The following RAB3C variants were observed in gnomAD, a reference collection of about 807,000 sequenced individuals.
RAB3C encodes RAB3C, member RAS oncogene family, also known as ras-related protein Rab-3C.
A neutral mutation model predicts 26.4 loss-of-function variants in RAB3C; 17 were observed. The ratio of observed to expected loss-of-function variants is 0.64; its 90% confidence interval spans 0.44 to 0.97. The LOEUF (loss-of-function observed/expected upper bound fraction) is 0.97. RAB3C is among the 50% of genes least tolerant of loss of function. The pLI is 0.00. For synonymous variants in RAB3C, 91 were observed against 95.9 expected, an observed-to-expected ratio of 0.95 and a Z score of 0.30; for missense variants, 242 against 281.9, an observed-to-expected ratio of 0.86 and a Z score of 1.01.
intron 2 of RAB3C, among the ~76,000 whole-genome samples, chr5:58,640,811 C>A (rs1020010915): frequency 1.3e-5 from 2 of 152,146 alleles, no homozygotes; most frequent in Non-Finnish European, 2.9e-5. Flanking sequence ...GACATCAATT[C>A]TTCTGCTGTT....
intron 3 of RAB3C, among the ~76,000 whole-genome samples, chr5:58,812,525 C>T (rs878968836): frequency 6.6e-6 from 1 of 152,206 alleles, no homozygotes; most frequent in East Asian, 1.9e-4. Context: ...AATAAACAAA[C>T]ACTTGCTAAT....
chr5:58,772,600 C>T (rs377478835), intron 3 of RAB3C, among the ~76,000 whole-genome samples: 10 of 152,100 alleles, frequency 6.6e-5, no homozygotes, highest in Non-Finnish European at 2.9e-5. Context: ...ACAAAGAAGA[C>T]GAGAGAGAAG....
chr5:58,717,996 C>A (rs749701348), intron 2 of RAB3C, among the ~76,000 whole-genome samples: 5 of 152,050 alleles, frequency 3.3e-5, no homozygotes, highest in Non-Finnish European at 5.9e-5. Context: ...CATTCAAAAG[C>A]CTGTTATCCT....
At position 58,854,670 on chromosome 5, in the gene RAB3C, A is replaced by G. The variant is rs929484757; in HGVS notation, c.*3319A>G. ...GTTCTTCTAGTTCCTCCTTAGGGTC[A>G]CTTGAAGTTCAGTATTTTTTTGCTG... On this transcript the variant is annotated 3_prime_UTR_variant, in exon 5 of 5. Coordinates refer to ENST00000282878, the MANE Select transcript of RAB3C (RefSeq NM_138453.4). 4 of 152,222 alleles carry G rather than the reference A, an allele frequency of 2.6e-5. No individual in the cohort carries two copies. Among genetic ancestry groups the G allele is most frequent in the Non-Finnish European group, 5.9e-5 (4 of 68,040 alleles). The allele number at this position is 152,222 out of a possible 1,614,324, so 9.4% of individuals were successfully genotyped here. A position where few individuals can be genotyped will look rare whatever the true frequency, so the allele number is the denominator to read the frequency against.
chr5:58,700,050 C>G (rs571281846), intron 2 of RAB3C, among the ~76,000 whole-genome samples: 2 of 152,322 alleles, frequency 1.3e-5, no homozygotes, highest in African/African-American at 4.8e-5. Flanking sequence ...CTCTGTAGAT[C>G]ATGCTGGGAG....
chr5:58,797,980 T>A (rs1030180714), intron 3 of RAB3C, among the ~76,000 whole-genome samples: 1 of 151,952 alleles, frequency 6.6e-6, no homozygotes, highest in African/African-American at 2.4e-5. Flanking sequence ...GTGTCAAGAG[T>A]TTTTTTGTCC....
rs201775454 is a variant in RAB3C at position 58,727,954 on chromosome 5, A to AC, written c.371+1836dup. Among the ~76,000 whole-genome samples the AC allele has an allele frequency of 6.7e-3, 1,011 of 151,972 alleles. 9 individuals carry two copies. Among genetic ancestry groups the AC allele is most frequent in the African/African-American group, 0.023 (952 of 41,486 alleles). ...TCTTACTATTCTAGAAGCAAACTAAACCATTCATTGTTTCTGAAGCCCAGC... is the reference window on the plus strand; with the variant it reads ...TCTTACTATTCTAGAAGCAAACTAAACCCATTCATTGTTTCTGAAGCCCAGC... On this transcript the variant is annotated intron_variant, in intron 3 of 4. Transcript: ENST00000282878.
intron 2 of RAB3C, among the ~76,000 whole-genome samples, chr5:58,660,036 C>T (rs1747867140): frequency 0.023 from 3,365 of 148,910 alleles, 267 homozygotes; most frequent in African/African-American, 0.083. Flanking sequence ...AATTCTTGAA[C>T]TCAAGCAATC....
At chr5:58,731,306 C>T (rs1414003674) in intron 3 of RAB3C, among the ~76,000 whole-genome samples, 1 of 151,920 alleles carries the variant, frequency 6.6e-6, no homozygotes, top group African/African-American at 2.4e-5. Context: ...GCCAAATTCC[C>T]CAGTTCTGTA....
At chr5:58,764,544 T>C (rs1414618240) in intron 3 of RAB3C, among the ~76,000 whole-genome samples, 1 of 152,226 alleles carries the variant, frequency 6.6e-6, no homozygotes, top group African/African-American at 2.4e-5. Context: ...GCAAATAATG[T>C]AGTATCCAGA....
chr5:58,809,974 T>C (rs916825827), intron 3 of RAB3C, among the ~76,000 whole-genome samples: 2 of 152,240 alleles, frequency 1.3e-5, no homozygotes, highest in Non-Finnish European at 2.9e-5. Flanking sequence ...TTCACATTGT[T>C]TGTGGCAGAT....
intron 2 of RAB3C, among the ~76,000 whole-genome samples, chr5:58,637,680 G>T (rs1579830430): frequency 1.3e-5 from 2 of 152,012 alleles, no homozygotes; most frequent in Non-Finnish European, 2.9e-5. Context: ...TAGATTTTTT[G>T]GAAAGATGAT....
At chr5:58,743,565 GC>G (rs1236263072) in intron 3 of RAB3C, among the ~76,000 whole-genome samples, 11 of 151,812 alleles carry the variant, frequency 7.2e-5, no homozygotes, top group Non-Finnish European at 1.3e-4. Context: ...CTCCCCCTTG[GC>G]CCCCAGCTCC....
intron 3 of RAB3C, chr5:58,823,340 C>A (rs1743390813): frequency 5.8e-6 from 1 of 171,672 alleles, no homozygotes; most frequent in Non-Finnish European, 1.2e-5. Context: ...GACAACATGG[C>A]AAAACCCTGT....
chr5:58,584,819 C>A (rs951551742), intron 1 of RAB3C, among the ~76,000 whole-genome samples: 1 of 135,666 alleles, frequency 7.4e-6, no homozygotes, highest in Admixed American at 8.0e-5. Context: ...AAAAATTTAA[C>A]CACACTGTAT....
At chr5:58,846,169 G>C (rs1240935209) in intron 4 of RAB3C, among the ~76,000 whole-genome samples, 1 of 151,926 alleles carries the variant, frequency 6.6e-6, no homozygotes, top group Non-Finnish European at 1.5e-5. Flanking sequence ...AACACATTTT[G>C]TTTATCCATT....
intron 1 of RAB3C, among the ~76,000 whole-genome samples, chr5:58,603,021 C>A (rs1429111765): frequency 6.6e-6 from 1 of 152,140 alleles, no homozygotes; most frequent in Non-Finnish European, 1.5e-5. Flanking sequence ...ACGGTGAATT[C>A]TCTCAGCATT....
At chr5:58,653,856 C>T (rs1747708407) in intron 2 of RAB3C, among the ~76,000 whole-genome samples, 1 of 152,136 alleles carries the variant, frequency 6.6e-6, no homozygotes, top group Non-Finnish European at 1.5e-5. Context: ...AACTTAAAAA[C>T]AATTATCATC....
intron 4 of RAB3C, among the ~76,000 whole-genome samples, chr5:58,837,555 C>CTTTT (rs1244170261): frequency 8.8e-6 from 1 of 113,450 alleles, no homozygotes; most frequent in Non-Finnish European, 1.9e-5. Context: ...GTTTCAGTCT[C>CTTTT]TCTTTTTTTT....
Sources: allele counts gnomAD v4.1 joint callset (sites outside exome capture counted in the v4.1 genomes callset), GRCh38; gene constraint gnomAD v4.1.1; transcripts MANE v1.5; gene names NCBI Gene and HGNC (gene_info 2026-07-23, HGNC 2026-07-21).